EIF2S2: variants seen among roughly 807,000 people sequenced by gnomAD.
The protein encoded by EIF2S2 is eukaryotic translation initiation factor 2 subunit beta, also known as eukaryotic translation initiation factor 2 subunit 2.
Under a neutral mutation model 44.0 loss-of-function variants are expected in EIF2S2, and 4 were observed. The ratio of observed to expected loss-of-function variants is 0.09; its 90% CI spans 0.04 to 0.21. EIF2S2 has a LOEUF of 0.21. Among genes scored for constraint, EIF2S2 ranks in the 10% least tolerant of loss-of-function variants. EIF2S2 has a pLI of 1.00. For synonymous variants in EIF2S2, 108 were observed against 128.3 expected (o/e 0.84, Z 1.07); for missense variants, 154 against 392.0 (o/e 0.39, Z 5.13).
intron 1 of EIF2S2, among the ~76,000 whole-genome samples, chr20:34,106,163 T>G (rs1284530582): frequency 6.6e-6 from 1 of 151,940 alleles, no homozygotes; most frequent in East Asian, 1.9e-4. Context: ...CAAACAATCC[T>G]CCCACCTCGG....
At chr20:34,095,911 T>C (rs2034222934) in intron 6 of EIF2S2, among the ~76,000 whole-genome samples, 1 of 152,142 alleles carries the variant, frequency 6.6e-6, no homozygotes, top group Admixed American at 6.6e-5. Flanking sequence ...CCAGAAAACA[T>C]GCAGCTGAGG....
chr20:34,109,345 G>C (rs2034384932), intron 1 of EIF2S2, among the ~76,000 whole-genome samples: 1 of 151,960 alleles, frequency 6.6e-6, no homozygotes, highest in African/African-American at 2.4e-5. Flanking sequence ...ATTGAGTAGG[G>C]GATTTTTCTT....
chr20:34,094,045 C>G (rs1034900354), intron 6 of EIF2S2, among the ~76,000 whole-genome samples: 2 of 152,130 alleles, frequency 1.3e-5, no homozygotes, highest in Non-Finnish European at 2.9e-5. Flanking sequence ...TGTGTGCCAC[C>G]ATGCCTGTCT....
intron 5 of EIF2S2, among the ~76,000 whole-genome samples, chr20:34,097,114 G>A (rs1039028650): frequency 6.6e-6 from 1 of 152,216 alleles, no homozygotes; most frequent in African/African-American, 2.4e-5. Flanking sequence ...GCAAACTCCA[G>A]ACTACCCTGG....
chr20:34,094,306 A>G (rs6088397), intron 6 of EIF2S2, among the ~76,000 whole-genome samples: 13,658 of 152,276 alleles, frequency 0.09, 695 homozygotes, highest in African/African-American at 0.14. Context: ...GAGAATAACA[A>G]CTTCCTCTGG....
chr20:34,093,419 A>C (rs1260506023), intron 7 of EIF2S2, among the ~76,000 whole-genome samples: 1 of 152,268 alleles, frequency 6.6e-6, no homozygotes, highest in Non-Finnish European at 1.5e-5. Flanking sequence ...AGTTAGTAAC[A>C]GGAAAGTCTA....
At chr20:34,099,979 T>C (rs2034276971) in intron 3 of EIF2S2, among the ~76,000 whole-genome samples, 1 of 152,144 alleles carries the variant, frequency 6.6e-6, no homozygotes, top group Admixed American at 6.5e-5. Flanking sequence ...AGGGGTTTCA[T>C]TACAAAGGTA....
chr20:34,105,571 G>A (rs774918308), intron 1 of EIF2S2, 26 bp from the exon 2 acceptor site: 62 of 1,515,524 alleles, frequency 4.1e-5, no homozygotes, highest in Non-Finnish European at 5.3e-5. Context: ...AAAACAAAAA[G>A]GGACCAAATG....
intron 1 of EIF2S2, among the ~76,000 whole-genome samples, chr20:34,107,106 C>G (rs1438945368): frequency 2.6e-5 from 4 of 151,658 alleles, no homozygotes; most frequent in African/African-American, 9.7e-5. Context: ...TGAACATGGG[C>G]AGTGGAGCTT....
intron 1 of EIF2S2, chr20:34,108,056 T>TA (rs888968368): frequency 6.6e-6 from 1 of 152,216 alleles, no homozygotes; most frequent in African/African-American, 2.4e-5. Flanking sequence ...GACAAAACTC[T>TA]AGACACTATA....
At chr20:34,111,792 G>T (rs953613691) in intron 1 of EIF2S2, among the ~76,000 whole-genome samples, 1 of 152,242 alleles carries the variant, frequency 6.6e-6, no homozygotes, top group East Asian at 1.9e-4. Flanking sequence ...CCCCAGTCTC[G>T]TTCGGGGTTA....
At chr20:34,098,994 T>C (rs1270636701) in intron 3 of EIF2S2, among the ~76,000 whole-genome samples, 1 of 152,258 alleles carries the variant, frequency 6.6e-6, no homozygotes, top group African/African-American at 2.4e-5. Flanking sequence ...TTGTGGGATC[T>C]TTCCCCCTCA....
chr20:34,091,882 C>T (rs2034170056), intron 7 of EIF2S2, among the ~76,000 whole-genome samples: 1 of 149,930 alleles, frequency 6.7e-6, no homozygotes, highest in Non-Finnish European at 1.5e-5. Flanking sequence ...GGATTATACA[C>T]TTTAAATTTG....
At chr20:34,105,629 G>T in intron 1 of EIF2S2, 84 bp from the exon 2 acceptor site, 1 of 1,285,648 alleles carries the variant, frequency 7.8e-7, no homozygotes, top group Non-Finnish European at 1.0e-6. Context: ...ATCCTCAAAA[G>T]GCATACTCTT....
chr20:34,099,860 G>A (rs998827529), intron 3 of EIF2S2, among the ~76,000 whole-genome samples: 1 of 152,146 alleles, frequency 6.6e-6, no homozygotes, highest in African/African-American at 2.4e-5. Flanking sequence ...ATGGGGGTGG[G>A]AGCTGAGGGG....
In EIF2S2 at chr20:34,104,141, A is replaced by G. The variant is rs115781795; in HGVS notation, c.194-576T>C. Among the ~76,000 whole-genome samples the G allele has an allele frequency of 2.3e-3, 343 of 152,338 alleles. 2 individuals are homozygous for G. The highest frequency in any genetic ancestry group is 7.6e-3 in the African/African-American group (314 of 41,578). On this transcript the variant is annotated intron_variant, in intron 2 of 8. Coordinates refer to ENST00000374980, the MANE Select transcript of EIF2S2 (RefSeq NM_003908.5). ...TATCACTCTTCACTGTTCCCAAGAC[A>G]AAGTCAGAGCTCTAACACAATTTCC...
At chr20:34,093,040 T>C (rs2122394712) in intron 7 of EIF2S2, among the ~76,000 whole-genome samples, 1 of 152,324 alleles carries the variant, frequency 6.6e-6, no homozygotes, top group Admixed American at 6.5e-5. Context: ...AAAAAAGCAC[T>C]TGGCACAAAA....
chr20:34,100,560 A>G (rs2122418040), intron 3 of EIF2S2, among the ~76,000 whole-genome samples: 1 of 152,168 alleles, frequency 6.6e-6, no homozygotes, highest in Non-Finnish European at 1.5e-5. Context: ...CATTTCAGAA[A>G]TCTCATTAGC....
chr20:34,091,710 C>G (rs1325948204), intron 7 of EIF2S2, among the ~76,000 whole-genome samples: 1 of 101,236 alleles, frequency 9.9e-6, no homozygotes, highest in African/African-American at 4.3e-5. Flanking sequence ...CAGAGCACAA[C>G]TCCATCTCAA....
Sources: allele counts gnomAD v4.1 joint callset (sites outside exome capture counted in the v4.1 genomes callset), GRCh38; gene constraint gnomAD v4.1.1; transcripts MANE v1.5; gene names NCBI Gene and HGNC (gene_info 2026-07-23, HGNC 2026-07-21).